ZBTB20: variants seen among roughly 807,000 people sequenced by gnomAD.
ZBTB20 encodes the protein zinc finger and BTB domain containing 20.
ZBTB20 carries 9 observed loss-of-function variants against 56.9 expected under a neutral mutation model. The observed-to-expected ratio is 0.16, with a 90% CI of 0.10 to 0.28. The LOEUF (loss-of-function observed/expected upper bound fraction) is 0.28. Ranked by LOEUF, ZBTB20 falls within the 10% of genes least tolerant of loss-of-function variation. The probability of loss-of-function intolerance (pLI) is 1.00; values close to 1 mark genes in which losing one functional copy is unlikely to be tolerated. For missense variants in ZBTB20, 655 were observed against 1,003.0 expected, an observed-to-expected ratio of 0.65 and a Z score of 4.69; for synonymous variants, 417 against 420.7, an observed-to-expected ratio of 0.99 and a Z score of 0.11.
chr3:114,583,767 G>A (rs2054892791), intron 6 of ZBTB20, among the ~76,000 whole-genome samples: 1 of 152,148 alleles, frequency 6.6e-6, no homozygotes, highest in African/African-American at 2.4e-5. Flanking sequence ...ACCAATGTGA[G>A]GTCTCAGTTA....
intron 7 of ZBTB20, among the ~76,000 whole-genome samples, chr3:114,484,421 A>AAGAGAAGATCTGCC (rs2041882957): frequency 1.3e-5 from 2 of 152,196 alleles, no homozygotes; most frequent in Non-Finnish European, 2.9e-5. Context: ...GTTAATAATC[A>AAGAGAAGATCTGCC]AGAGAAGATC....
intron 7 of ZBTB20, among the ~76,000 whole-genome samples, chr3:114,471,305 C>T (rs58377509): frequency 0.21 from 31,281 of 152,078 alleles, 3,361 homozygotes; most frequent in Middle Eastern, 0.25. Flanking sequence ...AAAACAGAGG[C>T]TTAGAGATGG....
chr3:114,451,970 A>G (rs1386637830), intron 7 of ZBTB20, among the ~76,000 whole-genome samples: 5 of 152,116 alleles, frequency 3.3e-5, no homozygotes, highest in African/African-American at 1.2e-4. Flanking sequence ...GTTGGGATCA[A>G]GAAGAGCTAG....
chr3:114,469,010 C>CAAAAAA (rs1164804884), intron 7 of ZBTB20, among the ~76,000 whole-genome samples: 15 of 67,042 alleles, frequency 2.2e-4, no homozygotes, highest in African/African-American at 5.0e-4. Context: ...TCAAGAGAAG[C>CAAAAAA]AAAAAAAAAA....
chr3:115,035,894 AAAGT>A (rs746883830), intron 2 of ZBTB20, among the ~76,000 whole-genome samples: 1 of 152,244 alleles, frequency 6.6e-6, no homozygotes, highest in Non-Finnish European at 1.5e-5. Flanking sequence ...TCAGTCTTAA[AAAGT>A]AAGGAAATTG....
chr3:114,692,599 G>A (rs2062764180), intron 6 of ZBTB20, among the ~76,000 whole-genome samples: 1 of 152,124 alleles, frequency 6.6e-6, no homozygotes, highest in African/African-American at 2.4e-5. Flanking sequence ...TTAGATGCCA[G>A]GGAAGTCACC....
intron 7 of ZBTB20, among the ~76,000 whole-genome samples, chr3:114,484,225 A>G (rs2041861985): frequency 6.6e-6 from 1 of 152,196 alleles, no homozygotes; most frequent in Non-Finnish European, 1.5e-5. Flanking sequence ...TGCATCTGCT[A>G]GTGTTTTGGC....
intron 8 of ZBTB20, among the ~76,000 whole-genome samples, chr3:114,386,463 G>T (rs2085139332): frequency 6.6e-6 from 1 of 152,112 alleles, no homozygotes. Context: ...GATAGCACCA[G>T]GTACTAGCAA....
At chr3:114,669,150 T>G (rs1037676708) in intron 6 of ZBTB20, among the ~76,000 whole-genome samples, 3 of 152,012 alleles carry the variant, frequency 2.0e-5, no homozygotes, top group Non-Finnish European at 4.4e-5. Flanking sequence ...GGTGCTCCAA[T>G]GGGGAGAGGT....
intron 5 of ZBTB20, among the ~76,000 whole-genome samples, chr3:114,790,590 CTT>C (rs749460108): frequency 6.1e-5 from 9 of 147,172 alleles, no homozygotes; most frequent in South Asian, 2.1e-4. Flanking sequence ...AATCAGTATA[CTT>C]TTTTTTTTTT....
intron 7 of ZBTB20, among the ~76,000 whole-genome samples, chr3:114,474,775 C>T (rs1244957242): frequency 2.0e-5 from 3 of 152,152 alleles, no homozygotes; most frequent in Non-Finnish European, 4.4e-5. Flanking sequence ...TGGATTAATT[C>T]TCCCGCCACA....
At chr3:115,035,544 AACACACACACACACAC>A (rs111286494) in intron 2 of ZBTB20, among the ~76,000 whole-genome samples, 1 of 147,858 alleles carries the variant, frequency 6.8e-6, no homozygotes, top group Admixed American at 6.8e-5. Flanking sequence ...GCTACTATCA[AACACACACACACACAC>A]ACACACACAC....
chr3:114,838,987 A>G (rs1016092850), intron 4 of ZBTB20, among the ~76,000 whole-genome samples: 1 of 152,170 alleles, frequency 6.6e-6, no homozygotes. Flanking sequence ...AGATGTTATC[A>G]TTCCTGTTCT....
chr3:115,048,722 G>A (rs1457536178), intron 2 of ZBTB20, among the ~76,000 whole-genome samples: 1 of 152,134 alleles, frequency 6.6e-6, no homozygotes, highest in Non-Finnish European at 1.5e-5. Context: ...CAAATAGGAA[G>A]TGAAACCAAT....
chr3:115,066,516 T>C (rs1048235902), intron 2 of ZBTB20, among the ~76,000 whole-genome samples: 1 of 152,156 alleles, frequency 6.6e-6, no homozygotes, highest in Non-Finnish European at 1.5e-5. Flanking sequence ...AATTGTCTTC[T>C]AACAGTCTCA....
chr3:114,339,066 G>C lies in ZBTB20; in HGVS notation c.2165C>G (p.Ala722Gly). 6.4e-7 allele frequency: 1 copy of C among 1,555,716 alleles called. No homozygotes were observed. Among genetic ancestry groups the C allele is most frequent in the Non-Finnish European group, 8.7e-7 (1 of 1,149,952 alleles). The change falls in exon 12 of 12, where the codon GCA (alanine) becomes GGA (glycine). Residue 722 changes from alanine (A) to glycine (G), a missense_variant. By Grantham distance (60) the Ala-to-Gly change is moderately conservative. Coordinates refer to ENST00000675478, the MANE Select transcript of ZBTB20 (RefSeq NM_001348800.3). This position sits in a 1 kb window ranked among gnomAD's most constrained non-coding sequence, Gnocchi z 4.2. ...GAACTGCTCGATTTGGTCAAACTTT[G>C]CTGGGCAGACGGAGCAGACGTAAGT... ...GTTYVCSVCP[A>G]KFDQIEQFND... is the part of the protein sequence containing the mutation.
At chr3:114,394,261 C>CT (rs1325037795) in intron 7 of ZBTB20, among the ~76,000 whole-genome samples, 1 of 152,130 alleles carries the variant, frequency 6.6e-6, no homozygotes, top group Non-Finnish European at 1.5e-5. Flanking sequence ...GCTTACGTAA[C>CT]AGGTCGAAGT....
At chr3:114,563,116 A>G (rs1183796277) in intron 6 of ZBTB20, among the ~76,000 whole-genome samples, 1 of 152,206 alleles carries the variant, frequency 6.6e-6, no homozygotes, top group Non-Finnish European at 1.5e-5. Context: ...AAAGTGCAAT[A>G]AAGTAAAGTG....
intron 6 of ZBTB20, among the ~76,000 whole-genome samples, chr3:114,544,479 TTTTCTTTCAC>T (rs2049594142): frequency 7.5e-6 from 1 of 133,882 alleles, no homozygotes. Context: ...CTTTCTTTCT[TTTTCTTTCAC>T]TTTCTTTCTT....
Sources: allele counts gnomAD v4.1 joint callset (sites outside exome capture counted in the v4.1 genomes callset), GRCh38; gene constraint gnomAD v4.1.1; non-coding constraint Gnocchi (gnomAD v3.1); transcripts MANE v1.5; gene names NCBI Gene and HGNC (gene_info 2026-07-23, HGNC 2026-07-21).